Variants in CACNA2D4 observed in about 807,000 individuals in gnomAD.
CACNA2D4 encodes the protein voltage-dependent calcium channel subunit alpha-2/delta-4.
In CACNA2D4, 157 loss-of-function variants were observed where a neutral mutation model predicts 163.8. The observed-to-expected ratio is 0.96, with a 90% confidence interval of 0.84 to 1.09. CACNA2D4 has a LOEUF of 1.09. Ranked by LOEUF, CACNA2D4 falls within the 50% of genes least tolerant of loss-of-function variation. CACNA2D4 has a pLI of 0.00. For missense variants in CACNA2D4, 1,410 were observed against 1,479.9 expected (o/e 0.95, Z 0.78); for synonymous variants, 598 against 586.9 (o/e 1.02, Z -0.27).
At chr12:1,891,432 G>A (rs768562655) in intron 6 of CACNA2D4, among the ~76,000 whole-genome samples, 2 of 152,122 alleles carry the variant, frequency 1.3e-5, no homozygotes, top group Non-Finnish European at 2.9e-5. Flanking sequence ...TTAGGAAAAA[G>A]TCCTCCCATA....
At position 1,817,824 on chromosome 12, in the gene CACNA2D4, C is replaced by T. The variant is rs551696271; in HGVS notation, c.2552-6101G>A. Among the ~76,000 whole-genome samples the T allele has an allele frequency of 1.0e-3, 159 of 152,112 alleles. 1 individual carries two copies. Among genetic ancestry groups the T allele is most frequent in the African/African-American group, 3.4e-3 (139 of 41,408 alleles). On this transcript the variant is annotated intron_variant, in intron 26 of 37. Transcript: ENST00000382722. The stretch of plus-strand genomic sequence containing the variant: ...AGGCTGGAGTGCAGTGGCGTGATCT[C>T]GGCTCGCTACAACCTCCACCTCCCA...
chr12:1,858,053 C>G lies in CACNA2D4; in HGVS notation c.2008+524G>C, dbSNP rs74608147. ...CTGGAAGAGGTGAGCGAGGACTCCC[C>G]TGGAGGCTTTGTGGGGAGCACGGCC... On this transcript the variant is annotated intron_variant, in intron 20 of 37. Transcript: ENST00000382722. Among the ~76,000 whole-genome samples the G allele has an allele frequency of 5.1e-4, 78 of 152,322 alleles. No homozygotes were observed. The East Asian group carries it at 0.014, about 28-fold the overall frequency.
rs116186287 is a variant in CACNA2D4 at position 1,891,752 on chromosome 12, A to G, written c.782-4683T>C. 2.8e-3 allele frequency among the ~76,000 whole-genome samples: 427 copies of G among 152,186 alleles called. 3 individuals are homozygous for G. The highest frequency in any genetic ancestry group is 9.8e-3 in the African/African-American group (405 of 41,534). ...ATATCATTACAAAGAACCAAACAGA[A>G]ATTCTGAAACTGAAGAATTCATTAA... On this transcript the variant is annotated intron_variant, in intron 6 of 37. Coordinates refer to ENST00000382722, the MANE Select transcript of CACNA2D4 (RefSeq NM_172364.5).
rs759708625 is a variant in CACNA2D4, at chr12:1,882,957, G to C, written c.1395C>G (p.Asn465Lys). The C allele has an allele frequency of 6.2e-7, 1 of 1,613,354 alleles. No homozygotes were observed. The highest frequency in any genetic ancestry group is 1.7e-5 in the Admixed American group (1 of 59,942). Residue 465 changes from asparagine to lysine, a missense_variant, in exon 13 of 38, where the codon AAC becomes AAG. Physicochemically the swap from Asn to Lys is moderately conservative, Grantham distance 94. Transcript: ENST00000382722. The stretch of plus-strand genomic sequence containing the variant: ...TGAGCACGTGCAGGTATTCCATCAC[G>C]TTCTCCTGGGTGTCCGCCAGCGTTG... ...QISTLADTQE[N>K]VMEYLHVLSR...
chr12:1,810,145 C>T (rs1361152143), intron 29 of CACNA2D4, 133 bp downstream of exon 29: 1 of 698,348 alleles, frequency 1.4e-6, no homozygotes, highest in Non-Finnish European at 2.6e-6. Context: ...GTTCTTCAGA[C>T]CTTTCACCTG....
chr12:1,830,829 G>A, intron 26 of CACNA2D4: 2 of 913,806 alleles, frequency 2.2e-6, no homozygotes, highest in Non-Finnish European at 3.2e-6. Context: ...TTGTGCCAAA[G>A]GAGATAAAGC....
chr12:1,834,891 C>A lies in CACNA2D4; in HGVS notation c.2551+5848G>T. ...GTTCTCTCCCTGCACTTTCGAGGCT[C>A]CCTGAAAGCCACCGTGCTGGGGGCT... On this transcript the variant is annotated intron_variant, in intron 26 of 37. Transcript: ENST00000382722. This position sits in a 1 kb window ranked among gnomAD's most constrained non-coding sequence, Gnocchi z 7.6. 3 of 1,314,620 alleles carry A rather than the reference C, an allele frequency of 2.3e-6. No individual in the cohort carries two copies. Among genetic ancestry groups the A allele is most frequent in the South Asian group, 3.2e-5 (2 of 63,378 alleles). 81.4% of individuals were successfully genotyped at this position (1,314,620 alleles called of 1,614,324 possible). A position where few individuals can be genotyped will look rare whatever the true frequency, so the allele number is the denominator to read the frequency against.
At position 1,865,077 on chromosome 12, in the gene CACNA2D4, C is replaced by T. The variant is rs181417477; in HGVS notation, c.1879-4871G>A. 2.0e-4 allele frequency among the ~76,000 whole-genome samples: 31 copies of T among 152,304 alleles called. No homozygotes were observed. The East Asian group carries it at 4.8e-3, about 24-fold the overall frequency. On this transcript the variant is annotated intron_variant, in intron 18 of 37. Coordinates refer to ENST00000382722, the MANE Select transcript of CACNA2D4 (RefSeq NM_172364.5). ...TCTCTGGGTGAGGTTCAGCTGCAGT[C>T]CCGCGCTGGCCGGCAGGCAGGCCCC...
chr12:1,808,560 C>T (rs1019806383), intron 29 of CACNA2D4, among the ~76,000 whole-genome samples: 32 of 152,326 alleles, frequency 2.1e-4, no homozygotes, highest in Admixed American at 3.3e-4. Context: ...CTTTAGGAAA[C>T]GCTCGCCTAC....
At chr12:1,911,619 A>C (rs1195479380) in intron 3 of CACNA2D4, among the ~76,000 whole-genome samples, 1 of 152,070 alleles carries the variant, frequency 6.6e-6, no homozygotes, top group Non-Finnish European at 1.5e-5. Context: ...TGAGGCCCCC[A>C]TACACCACCC....
At chr12:1,901,591 A>G (rs141490645) in intron 6 of CACNA2D4, among the ~76,000 whole-genome samples, 1 of 152,238 alleles carries the variant, frequency 6.6e-6, no homozygotes, top group African/African-American at 2.4e-5. Context: ...GAAAACCTAG[A>G]AGAAATGAAT....
In CACNA2D4 at chr12:1,795,525, AAGGGTT is replaced by A. The variant is rs1298395469; in HGVS notation, c.3226+137_3226+142del. On this transcript the variant is annotated intron_variant, in intron 36 of 37. Transcript: ENST00000382722. ...CAGGAGGCAGCACCGGGGCCCAGGG[AAGGGTT>A]AGAGAACAAATAACGGAGCCCTGTG... 7 of 953,728 alleles carry A rather than the reference AAGGGTT, an allele frequency of 7.3e-6. No individual in the cohort carries two copies. The African/African-American group carries it at 8.2e-5, about 11-fold the overall frequency. 59.1% of individuals were successfully genotyped at this position (953,728 alleles called of 1,614,324 possible).
chr12:1,841,754 G>A (rs556306955), intron 25 of CACNA2D4, among the ~76,000 whole-genome samples: 29 of 152,296 alleles, frequency 1.9e-4, no homozygotes, highest in South Asian at 4.1e-4. Flanking sequence ...CTTGTGTGGC[G>A]ATTATGACAA....
At chr12:1,913,449 G>A (rs1366700076) in intron 2 of CACNA2D4, among the ~76,000 whole-genome samples, 2 of 152,200 alleles carry the variant, frequency 1.3e-5, no homozygotes, top group South Asian at 2.1e-4. Context: ...AGGTGAGCAG[G>A]TGACCCCTGA....
chr12:1,917,616 T>C lies in CACNA2D4; in HGVS notation c.227+631A>G, dbSNP rs1317561477. Reference sequence around the variant, plus strand: ...GAGAGGTTGCACAGTAATTTACATGTACACCAAGGTGCACATGACTGATAC... The same window carrying C: ...GAGAGGTTGCACAGTAATTTACATGCACACCAAGGTGCACATGACTGATAC... On this transcript the variant is annotated intron_variant, in intron 1 of 37. Coordinates refer to ENST00000382722, the MANE Select transcript of CACNA2D4 (RefSeq NM_172364.5). The surrounding 1 kb of genome is among the most constrained non-coding windows in gnomAD (Gnocchi z 4.3). 1.3e-5 allele frequency among the ~76,000 whole-genome samples: 2 copies of C among 152,194 alleles called. No homozygotes were observed. The highest frequency in any genetic ancestry group is 4.8e-5 in the African/African-American group (2 of 41,448).
At chr12:1,816,095 C>T (rs551874137) in intron 26 of CACNA2D4, among the ~76,000 whole-genome samples, 64 of 152,244 alleles carry the variant, frequency 4.2e-4, no homozygotes, top group Non-Finnish European at 8.5e-4. Flanking sequence ...CCCAGGGAAC[C>T]GAGTCTTCTC....
chr12:1,842,473 T>A (rs1475254834), intron 25 of CACNA2D4, among the ~76,000 whole-genome samples: 1 of 152,016 alleles, frequency 6.6e-6, no homozygotes, highest in Non-Finnish European at 1.5e-5. Flanking sequence ...TGTGCAGAGG[T>A]GGCCATGTGT....
chr12:1,830,879 A>G, intron 26 of CACNA2D4: 1 of 1,401,358 alleles, frequency 7.1e-7, no homozygotes, highest in Non-Finnish European at 9.7e-7. Context: ...GAAGAGAAGC[A>G]GGAGGTGGTG....
At chr12:1,909,190 G>GTTTA (rs1198117947) in intron 4 of CACNA2D4, among the ~76,000 whole-genome samples, 3 of 144,158 alleles carry the variant, frequency 2.1e-5, no homozygotes, top group Non-Finnish European at 3.0e-5. Flanking sequence ...TTATTTATTT[G>GTTTA]TTTATTTATT....
Sources: gnomAD v4.1 joint callset for allele counts (sites outside exome capture counted in the v4.1 genomes callset) on GRCh38, gnomAD v4.1.1 for gene constraint, Gnocchi (gnomAD v3.1) non-coding constraint, MANE v1.5 for transcripts, NCBI Gene and HGNC (gene_info 2026-07-23, HGNC 2026-07-21) for gene names.